Variants in ITPR2 observed in about 807,000 individuals in gnomAD.
ITPR2 encodes the protein inositol 1,4,5-trisphosphate-gated calcium channel ITPR2.
ITPR2 carries 207 observed loss-of-function variants against 317.1 expected under a neutral mutation model. The ratio of observed to expected loss-of-function variants is 0.65; its 90% CI spans 0.58 to 0.73. ITPR2 has a LOEUF of 0.73. ITPR2 is among the 30% of genes least tolerant of loss of function. The pLI, the probability that ITPR2 is intolerant of heterozygous loss-of-function variation, is 0.00. For synonymous variants in ITPR2, 1,156 were observed against 1,149.1 expected (o/e 1.01, Z -0.12); for missense variants, 2,613 against 3,284.0 (o/e 0.80, Z 4.99).
chr12:26,564,598 A>G (rs1271916496), intron 34 of ITPR2, among the ~76,000 whole-genome samples: 1 of 152,208 alleles, frequency 6.6e-6, no homozygotes, highest in Non-Finnish European at 1.5e-5. Flanking sequence ...CCCCAATCCA[A>G]TTCAACTGGT....
chr12:26,782,299 T>C (rs1164886795), intron 2 of ITPR2, among the ~76,000 whole-genome samples: 1 of 151,228 alleles, frequency 6.6e-6, no homozygotes, highest in African/African-American at 2.4e-5. Context: ...CAGAATTAAA[T>C]TGACAAACAG....
At chr12:26,352,498 T>C (rs541210541) in intron 55 of ITPR2, among the ~76,000 whole-genome samples, 1 of 152,344 alleles carries the variant, frequency 6.6e-6, no homozygotes, top group South Asian at 2.1e-4. Flanking sequence ...CTCCCTAAGA[T>C]AACGAGAGTC....
chr12:26,832,656 C>T, intron 1 of ITPR2, 34 bp downstream of exon 1: 2 of 1,495,662 alleles, frequency 1.3e-6, no homozygotes, highest in Non-Finnish European at 9.2e-7. Context: ...GGACCCGGAG[C>T]GCGAGCGCTG....
chr12:26,516,240 A>G (rs974897351), intron 37 of ITPR2, among the ~76,000 whole-genome samples: 1 of 24,250 alleles, frequency 4.1e-5, no homozygotes, highest in African/African-American at 1.2e-4. Flanking sequence ...AGGAAAGGAA[A>G]GGAAAGGAAA....
At chr12:26,566,712 T>A (rs1944995487) in intron 34 of ITPR2, among the ~76,000 whole-genome samples, 1 of 152,188 alleles carries the variant, frequency 6.6e-6, no homozygotes, top group African/African-American at 2.4e-5. Context: ...ACAATCAATT[T>A]CACCACTGCT....
intron 26 of ITPR2, among the ~76,000 whole-genome samples, chr12:26,606,749 T>C (rs1946137901): frequency 6.6e-6 from 1 of 151,920 alleles, no homozygotes; most frequent in Admixed American, 6.6e-5. Flanking sequence ...GTAGGCCACA[T>C]AGAAAGACTC....
intron 10 of ITPR2, among the ~76,000 whole-genome samples, chr12:26,686,841 G>A (rs1272584062): frequency 2.0e-5 from 3 of 152,154 alleles, no homozygotes; most frequent in East Asian, 3.8e-4. Flanking sequence ...CCTAGGGCGG[G>A]GTGGCTTGAT....
intron 10 of ITPR2, among the ~76,000 whole-genome samples, chr12:26,688,633 G>C (rs989414082): frequency 3.3e-5 from 5 of 152,140 alleles, no homozygotes; most frequent in African/African-American, 1.2e-4. Context: ...AGTAGATGGT[G>C]GTAATGAATG....
chr12:26,360,813 A>G (rs551256702), intron 55 of ITPR2, among the ~76,000 whole-genome samples: 1 of 152,304 alleles, frequency 6.6e-6, no homozygotes, highest in South Asian at 2.1e-4. Context: ...TAGTTTGATG[A>G]CATCTTTGCA....
At chr12:26,427,847 T>G in intron 49 of ITPR2, 66 bp downstream of exon 49, 1 of 1,060,622 alleles carries the variant, frequency 9.4e-7, no homozygotes, top group East Asian at 3.1e-5. Flanking sequence ...CTTATAGTTA[T>G]ATTTTTATAT....
At chr12:26,604,051 T>C (rs775557594) in intron 26 of ITPR2, among the ~76,000 whole-genome samples, 3 of 152,148 alleles carry the variant, frequency 2.0e-5, no homozygotes, top group Non-Finnish European at 4.4e-5. Context: ...CAAAGATACA[T>C]GAGGCCAATT....
At chr12:26,478,944 T>C (rs892162170) in intron 43 of ITPR2, among the ~76,000 whole-genome samples, 2 of 151,990 alleles carry the variant, frequency 1.3e-5, no homozygotes, top group Non-Finnish European at 2.9e-5. Flanking sequence ...ATGAATGACA[T>C]AAAATAAAAC....
At chr12:26,662,623 T>C (rs1947528165) in intron 15 of ITPR2, among the ~76,000 whole-genome samples, 2 of 152,244 alleles carry the variant, frequency 1.3e-5, no homozygotes, top group African/African-American at 4.8e-5. Context: ...TATACAATTG[T>C]ATGTTAGACA....
At chr12:26,673,023 A>G (rs1947821860) in intron 13 of ITPR2, among the ~76,000 whole-genome samples, 1 of 152,230 alleles carries the variant, frequency 6.6e-6, no homozygotes, top group Non-Finnish European at 1.5e-5. Flanking sequence ...ATAGACCAAT[A>G]ACAGGAGCTG....
chr12:26,554,342 A>G (rs1216653190), intron 36 of ITPR2, among the ~76,000 whole-genome samples: 1 of 152,258 alleles, frequency 6.6e-6, no homozygotes, highest in African/African-American at 2.4e-5. Flanking sequence ...CATTTAAACT[A>G]TAATTTAAAT....
In ITPR2 at chr12:26,686,620, G is replaced by C. The variant is rs1294336182; in HGVS notation, c.1009C>G (p.Pro337Ala). ...TGGCGTTTTTTCTTTGAAGTTGGAG[G>C]GACTCCATCTCTCTGTTGAGGAAGT... ...NEGKNVRDGV[P>A]PTSKKKRQAG... The change falls in exon 11 of 57, where the codon CCT (proline) becomes GCT (alanine). Residue 337 changes from proline (P) to alanine (A), a missense_variant. Transcript: ENST00000381340. 6.2e-7 allele frequency: 1 copy of C among 1,606,696 alleles called. No homozygotes were observed. The highest frequency in any genetic ancestry group is 1.7e-5 in the Admixed American group (1 of 58,972).
In ITPR2 at chr12:26,638,489, C is replaced by T. The variant is rs528549824; in HGVS notation, c.2741-6430G>A. Among the ~76,000 whole-genome samples, 13 of 152,286 alleles carry T rather than the reference C, an allele frequency of 8.5e-5. No homozygotes were observed. In the South Asian group the frequency reaches 2.5e-3, roughly 29 times the overall value. ...TTCCCCCCAAATTTCTCCCCAGCCCCACGACCAAAGGCAACGATGCTCTTG... is the reference window on the plus strand; with the variant it reads ...TTCCCCCCAAATTTCTCCCCAGCCCTACGACCAAAGGCAACGATGCTCTTG... On this transcript the variant is annotated intron_variant, in intron 21 of 56. Coordinates refer to ENST00000381340, the MANE Select transcript of ITPR2 (RefSeq NM_002223.4).
chr12:26,629,143 ATCCC>A (rs898207560), intron 22 of ITPR2, among the ~76,000 whole-genome samples: 26 of 152,086 alleles, frequency 1.7e-4, no homozygotes, highest in African/African-American at 6.3e-4. Context: ...CCTGTGTCCC[ATCCC>A]TCCCTCCTCC....
chr12:26,534,497 A>T (rs955529994), intron 37 of ITPR2, among the ~76,000 whole-genome samples: 1 of 152,202 alleles, frequency 6.6e-6, no homozygotes, highest in Admixed American at 6.5e-5. Flanking sequence ...AAGAAATAGA[A>T]ATTTCATCAC....
Sources: gnomAD v4.1 joint callset for allele counts (sites outside exome capture counted in the v4.1 genomes callset) on GRCh38, gnomAD v4.1.1 for gene constraint, MANE v1.5 for transcripts, NCBI Gene and HGNC (gene_info 2026-07-23, HGNC 2026-07-21) for gene names.